The following NRK variants were observed in gnomAD, a reference collection of about 807,000 sequenced individuals.
NRK encodes the protein Nik related kinase.
A neutral mutation model predicts 125.2 loss-of-function variants in NRK; 67 were observed. The ratio of observed to expected loss-of-function variants is 0.54; its 90% CI spans 0.44 to 0.66. The LOEUF is 0.66. Ranked by LOEUF, NRK falls within the 30% of genes least tolerant of loss-of-function variation. The pLI is 0.00. For synonymous variants in NRK, 458 were observed against 429.0 expected (o/e 1.07, Z -0.84); for missense variants, 1,224 against 1,192.9 (o/e 1.03, Z -0.38).
chrX:105,891,481 A>G (rs956964171), intron 5 of NRK, among the ~76,000 whole-genome samples: 5 of 112,062 alleles, frequency 4.5e-5, no homozygotes, highest in Admixed American at 9.5e-5. Context: ...AAAGCTTTTC[A>G]GTATCTTCAA....
At chrX:105,892,098 A>T (rs768838411) in intron 5 of NRK, among the ~76,000 whole-genome samples, 1 of 111,805 alleles carries the variant, frequency 8.9e-6, no homozygotes, top group Non-Finnish European at 1.9e-5. Flanking sequence ...GTTGTGCTAG[A>T]TGCTGAGGAT....
Position 105,955,784 on chromosome X carries a change from T to C in NRK, c.*184T>C, listed in dbSNP as rs2040968922. On this transcript the variant is annotated 3_prime_UTR_variant, in exon 29 of 29. Coordinates refer to ENST00000243300, the MANE Select transcript of NRK (RefSeq NM_198465.4). ...GCAGCTTTATGTATAAAATTAACTATAGCAAGCTCTAGGTACTCCAATGGT... is the reference window on the plus strand; with the variant it reads ...GCAGCTTTATGTATAAAATTAACTACAGCAAGCTCTAGGTACTCCAATGGT... The C allele has an allele frequency of 2.6e-6, 1 of 377,465 alleles. No homozygotes were observed. The highest frequency in any genetic ancestry group is 2.5e-5 in the African/African-American group (1 of 40,034). The allele number at this position is 377,465 out of a possible 1,213,427, so 31.1% of individuals were successfully genotyped here.
chrX:105,926,041 G>T (rs149005218), intron 19 of NRK, among the ~76,000 whole-genome samples: 2 of 111,037 alleles, frequency 1.8e-5, no homozygotes, highest in African/African-American at 6.5e-5. Context: ...TCTCCATTGT[G>T]GGTGTAGTAG....
intron 2 of NRK, among the ~76,000 whole-genome samples, chrX:105,831,853 A>G (rs1315720277): frequency 8.9e-6 from 1 of 112,141 alleles, no homozygotes; most frequent in East Asian, 2.8e-4. Context: ...AATTAAAAAA[A>G]TGCGTAATGT....
At chrX:105,915,159 G>A (rs2040349644) in intron 14 of NRK, among the ~76,000 whole-genome samples, 1 of 110,321 alleles carries the variant, frequency 9.1e-6, no homozygotes, top group Non-Finnish European at 1.9e-5. Flanking sequence ...CAGTCAAATT[G>A]TAAAGCAGAA....
intron 2 of NRK, among the ~76,000 whole-genome samples, chrX:105,850,241 C>A (rs2039454909): frequency 8.9e-6 from 1 of 112,308 alleles, no homozygotes; most frequent in African/African-American, 3.2e-5. Context: ...TACATTGGCC[C>A]CTTTAAGCTA....
At position 105,907,802 on chromosome X, in the gene NRK, A is replaced by G. The variant is rs756041263; in HGVS notation, c.1022-438A>G. On this transcript the variant is annotated intron_variant, in intron 11 of 28. Coordinates refer to ENST00000243300, the MANE Select transcript of NRK (RefSeq NM_198465.4). ...ATAGGAAAGAAGCTGAATGTTTTCA[A>G]TGTGTTTAGTGTAAAACACAGAATT... 3.6e-5 allele frequency: 4 copies of G among 112,670 alleles called. No homozygotes were observed. The East Asian group carries it at 8.4e-4, about 24-fold the overall frequency. 9.3% of individuals were successfully genotyped at this position (112,670 alleles called of 1,213,427 possible).
chrX:105,836,828 G>A (rs2039271882), intron 2 of NRK, among the ~76,000 whole-genome samples: 1 of 111,561 alleles, frequency 9.0e-6, no homozygotes, highest in African/African-American at 3.3e-5. Context: ...TATAAAATGG[G>A]GCTAATAATA....
rs1200778938 is a variant in NRK, at chrX:105,957,022, G to A, written c.*1422G>A. On this transcript the variant is annotated 3_prime_UTR_variant, in exon 29 of 29. Transcript: ENST00000243300. ...CTACCTGGTTAACCAAAATACAAAAGCAGCTGACTATGTGTGATTTCATAA... is the reference window on the plus strand; with the variant it reads ...CTACCTGGTTAACCAAAATACAAAAACAGCTGACTATGTGTGATTTCATAA... 8.9e-6 allele frequency: 1 copy of A among 112,371 alleles called. No homozygotes were observed. Among genetic ancestry groups the A allele is most frequent in the East Asian group, 2.8e-4 (1 of 3,581 alleles). The allele number at this position is 112,371 out of a possible 1,213,427, so 9.3% of individuals were successfully genotyped here.
At chrX:105,919,864 G>T (rs1166799638) in intron 16 of NRK, among the ~76,000 whole-genome samples, 1 of 110,555 alleles carries the variant, frequency 9.0e-6, no homozygotes, top group Non-Finnish European at 1.9e-5. Context: ...TCTGATGGTA[G>T]TTTCTTTTGC....
intron 2 of NRK, among the ~76,000 whole-genome samples, chrX:105,877,028 C>T (rs751437048): frequency 9.0e-6 from 1 of 111,606 alleles, no homozygotes; most frequent in Non-Finnish European, 1.9e-5. Context: ...AGTGGAGAAA[C>T]CTGGCAGGTT....
At chrX:105,949,762 G>A (rs1375372466) in intron 27 of NRK, 28 bp downstream of exon 27, 14 of 1,030,863 alleles carry the variant, frequency 1.4e-5, no homozygotes, top group Non-Finnish European at 1.6e-5. Context: ...TTCTTCTTCA[G>A]GACCCCAGAG....
intron 22 of NRK, among the ~76,000 whole-genome samples, chrX:105,938,510 G>A (rs1156796880): frequency 1.8e-5 from 2 of 111,421 alleles, no homozygotes; most frequent in Non-Finnish European, 3.8e-5. Context: ...TTTAAGGTAC[G>A]TAGAAGTAAT....
chrX:105,926,913 G>T (rs1014433182), intron 19 of NRK, among the ~76,000 whole-genome samples: 2 of 111,139 alleles, frequency 1.8e-5, no homozygotes, highest in Admixed American at 1.9e-4. Flanking sequence ...ATCTGATATT[G>T]TGATGCCTCT....
intron 2 of NRK, among the ~76,000 whole-genome samples, chrX:105,838,856 T>C (rs2039297433): frequency 9.0e-6 from 1 of 110,786 alleles, no homozygotes; most frequent in Non-Finnish European, 1.9e-5. Flanking sequence ...AATTCCTGAA[T>C]TGTTTGCACT....
chrX:105,829,660 G>A (rs758827020), intron 1 of NRK, among the ~76,000 whole-genome samples: 1 of 111,810 alleles, frequency 8.9e-6, no homozygotes, highest in South Asian at 3.8e-4. Flanking sequence ...AAATATGGAA[G>A]CCTCATAACT....
intron 9 of NRK, among the ~76,000 whole-genome samples, chrX:105,904,760 A>G (rs1304895420): frequency 9.0e-6 from 1 of 111,203 alleles, no homozygotes; most frequent in African/African-American, 3.3e-5. Flanking sequence ...TGTATTCTTA[A>G]CAGTTGCACT....
rs776883441 is a variant in NRK at position 105,922,020 on chromosome X, C to T, written c.2569C>T (p.Pro857Ser). The change falls in exon 17 of 29, where the codon CCT (proline) becomes TCT (serine). Residue 857 changes from proline (P) to serine (S), a missense_variant. Transcript: ENST00000243300. ...TGGAAGGAGGTCTCAGTCATCACCACCTTATTCTACTATTGATCAGAAGTT... is the reference window on the plus strand; with the variant it reads ...TGGAAGGAGGTCTCAGTCATCACCATCTTATTCTACTATTGATCAGAAGTT... ...VTGRRSQSSP[P>S]YSTIDQKLLV... The T allele has an allele frequency of 6.0e-6, 7 of 1,175,217 alleles. No homozygotes were observed. In the Admixed American group the frequency reaches 1.3e-4, roughly 22 times the overall value.
At chrX:105,946,979 A>G (rs753804794) in intron 26 of NRK, among the ~76,000 whole-genome samples, 1 of 112,217 alleles carries the variant, frequency 8.9e-6, no homozygotes, top group South Asian at 3.7e-4. Context: ...TTTAAAAAAT[A>G]CAACACCAGT....
Sources: gnomAD v4.1 joint callset for allele counts (sites outside exome capture counted in the v4.1 genomes callset) on GRCh38, gnomAD v4.1.1 for gene constraint, MANE v1.5 for transcripts, NCBI Gene and HGNC (gene_info 2026-07-23, HGNC 2026-07-21) for gene names.